The following SIRT5 variants were observed in gnomAD, a reference collection of about 807,000 sequenced individuals.
SIRT5 encodes sirtuin 5, also known as NAD-dependent protein deacylase sirtuin-5, mitochondrial.
In SIRT5, 26 loss-of-function variants were observed where a neutral mutation model predicts 40.0. That is an observed-to-expected ratio of 0.65 (90% CI 0.48 to 0.90). The LOEUF (loss-of-function observed/expected upper bound fraction) is 0.90. Among genes scored for constraint, SIRT5 ranks in the 40% least tolerant of loss-of-function variants. The probability of loss-of-function intolerance (pLI) is 0.00; values close to 1 mark genes in which losing one functional copy is unlikely to be tolerated. For synonymous variants in SIRT5, 146 were observed against 149.1 expected (o/e 0.98, Z 0.15); for missense variants, 401 against 402.4 (o/e 1.00, Z 0.03).
intron 9 of SIRT5, chr6:13,604,700 C>CCAG: frequency 4.3e-6 from 6 of 1,380,006 alleles, no homozygotes; most frequent in Non-Finnish European, 4.7e-6. Context: ...AGAAACTGAA[C>CCAG]TTGGTGGTTT....
chr6:13,581,072 A>C lies in SIRT5; in HGVS notation c.-36+1463A>C, dbSNP rs1209452630. Among the ~76,000 whole-genome samples, 5 of 152,174 alleles carry C rather than the reference A, an allele frequency of 3.3e-5. No individual in the cohort carries two copies. In the South Asian group the frequency reaches 6.2e-4, roughly 19 times the overall value. On this transcript the variant is annotated intron_variant, in intron 2 of 9. Coordinates refer to ENST00000606117, the MANE Select transcript of SIRT5 (RefSeq NM_012241.5). ...TTATACCATTTACCCAATTTCCTCTAATGTTCACATCTTACCTAACTAGAG... is the reference window on the plus strand; with the variant it reads ...TTATACCATTTACCCAATTTCCTCTCATGTTCACATCTTACCTAACTAGAG...
At chr6:13,592,429 G>A (rs114910783) in intron 5 of SIRT5, among the ~76,000 whole-genome samples, 265 of 152,322 alleles carry the variant, frequency 1.7e-3, no homozygotes, top group African/African-American at 6.0e-3. Context: ...GCATCTTGGG[G>A]TCTCCTGTCA....
chr6:13,581,038 G>C (rs899504729), intron 2 of SIRT5, among the ~76,000 whole-genome samples: 1 of 152,088 alleles, frequency 6.6e-6, no homozygotes, highest in African/African-American at 2.4e-5. Flanking sequence ...ATAGTACACA[G>C]AGTTCTCATT....
At position 13,597,020 on chromosome 6, in the gene SIRT5, G is replaced by A; in HGVS notation, c.617+4G>A. On this transcript the variant is annotated splice_donor_region_variant and intron_variant, in intron 7 of 9. Coordinates refer to ENST00000606117, the MANE Select transcript of SIRT5 (RefSeq NM_012241.5). ...TCCCAGTTGAGAAACTTCCCCGGTA[G>A]GTAGAAAACTCTGATTTGTACTGGT... 1.2e-6 allele frequency: 2 copies of A among 1,609,784 alleles called. No homozygotes were observed. The highest frequency in any genetic ancestry group is 1.7e-6 in the Non-Finnish European group (2 of 1,178,326).
At chr6:13,605,021 G>A (rs1408487522) in intron 9 of SIRT5, 2 of 987,112 alleles carry the variant, frequency 2.0e-6, no homozygotes, top group Non-Finnish European at 2.4e-6. Flanking sequence ...TAGAAGAGAT[G>A]CTGGTGATAG....
chr6:13,584,646 C>T (rs899798197), intron 3 of SIRT5, among the ~76,000 whole-genome samples: 6 of 152,164 alleles, frequency 3.9e-5, no homozygotes, highest in East Asian at 1.9e-4. Context: ...ACCGCGCCCA[C>T]CTGTCCTCTT....
At position 13,611,360 on chromosome 6, in the gene SIRT5, G is replaced by T. The variant is rs199652744; in HGVS notation, c.858-430G>T. Among the ~76,000 whole-genome samples the T allele has an allele frequency of 6.3e-4, 95 of 150,150 alleles. No individual in the cohort carries two copies. In the East Asian group the frequency reaches 0.013, roughly 21 times the overall value. On this transcript the variant is annotated intron_variant, in intron 9 of 9. Transcript: ENST00000606117. The stretch of plus-strand genomic sequence containing the variant: ...ATAGATACACATAAAACATATATAT[G>T]TATATAAAATACATATATAACACAC...
In SIRT5 at chr6:13,579,503, T is replaced by A. The variant is rs1337817334; in HGVS notation, c.-142T>A. On this transcript the variant is annotated 5_prime_UTR_variant, in exon 2 of 10. Transcript: ENST00000606117. The stretch of plus-strand genomic sequence containing the variant: ...AAACCTACAGAAGAAGAAAATAATT[T>A]TCTGGATCAAATTAGAAGTCTGTAT... The A allele has an allele frequency of 1.3e-5, 2 of 152,198 alleles. No individual in the cohort carries two copies. The highest frequency in any genetic ancestry group is 2.9e-5 in the Non-Finnish European group (2 of 68,032). The allele number at this position is 152,198 out of a possible 1,614,324, so 9.4% of individuals were successfully genotyped here.
At chr6:13,585,704 C>T (rs192001751) in intron 3 of SIRT5, among the ~76,000 whole-genome samples, 72 of 152,250 alleles carry the variant, frequency 4.7e-4, no homozygotes, top group African/African-American at 1.7e-3. Context: ...AATAAACATA[C>T]GTATGCATGT....
intron 6 of SIRT5, 62 bp from the exon 7 acceptor site, chr6:13,596,898 ATGT>A: frequency 4.6e-6 from 6 of 1,300,132 alleles, no homozygotes; most frequent in Non-Finnish European, 5.4e-6. Flanking sequence ...AAACTGAGTT[ATGT>A]TGTTTCTTTA....
rs200925326 is a variant in SIRT5 at position 13,579,510 on chromosome 6, T to A, written c.-135T>A. ...CAGAAGAAGAAAATAATTTTCTGGA[T>A]CAAATTAGAAGTCTGTATTATATTG... is the stretch of plus-strand genomic sequence containing the variant. On this transcript the variant is annotated 5_prime_UTR_variant, in exon 2 of 10. Coordinates refer to ENST00000606117, the MANE Select transcript of SIRT5 (RefSeq NM_012241.5). The A allele has an allele frequency of 1.3e-5, 2 of 152,208 alleles. No individual in the cohort carries two copies. Among genetic ancestry groups the A allele is most frequent in the Non-Finnish European group, 2.9e-5 (2 of 68,036 alleles). 9.4% of individuals were successfully genotyped at this position (152,208 alleles called of 1,614,324 possible).
At chr6:13,606,303 A>T (rs1162592667) in intron 9 of SIRT5, among the ~76,000 whole-genome samples, 1 of 152,150 alleles carries the variant, frequency 6.6e-6, no homozygotes, top group African/African-American at 2.4e-5. Flanking sequence ...AGGAGAGGCG[A>T]GCAGTAAAGT....
At chr6:13,585,479 G>A (rs1759950043) in intron 3 of SIRT5, among the ~76,000 whole-genome samples, 1 of 151,708 alleles carries the variant, frequency 6.6e-6, no homozygotes, top group Admixed American at 6.6e-5. Flanking sequence ...ACTTATGAGT[G>A]AGAACGTGTG....
chr6:13,602,012 A>G (rs1432261889), intron 9 of SIRT5, among the ~76,000 whole-genome samples: 4 of 152,196 alleles, frequency 2.6e-5, no homozygotes, highest in African/African-American at 9.7e-5. Context: ...GGAACTAAGA[A>G]GATAGCCTTA....
At chr6:13,594,626 G>A (rs953802282) in intron 5 of SIRT5, among the ~76,000 whole-genome samples, 4 of 152,236 alleles carry the variant, frequency 2.6e-5, no homozygotes, top group East Asian at 1.9e-4. Flanking sequence ...CATGGGGGCC[G>A]TGCGCAGCAT....
chr6:13,590,666 T>C (rs1318053806), intron 4 of SIRT5, among the ~76,000 whole-genome samples: 1 of 152,174 alleles, frequency 6.6e-6, no homozygotes, highest in Non-Finnish European at 1.5e-5. Flanking sequence ...CAGTTGTGTG[T>C]ATGTAGATGT....
Position 13,591,708 on chromosome 6 carries a change from C to G in SIRT5, c.289C>G (p.Arg97Gly). The change falls in exon 5 of 10, where the codon CGG (arginine) becomes GGG (glycine). Residue 97 changes from arginine (R) to glycine (G), a missense_variant. Transcript: ENST00000606117. ...TPLAFAHNPS[R>G]VWEFYHYRRE... is the part of the protein sequence containing the mutation. Reference sequence around the variant, plus strand: ...CCTGGCCTTTGCCCACAACCCGTCCCGGGTGTGGGAGTTCTACCACTACCG... The same window carrying G: ...CCTGGCCTTTGCCCACAACCCGTCCGGGGTGTGGGAGTTCTACCACTACCG... The G allele has an allele frequency of 6.2e-7, 1 of 1,606,326 alleles. No individual in the cohort carries two copies. The highest frequency in any genetic ancestry group is 8.5e-7 in the Non-Finnish European group (1 of 1,174,444).
chr6:13,610,529 G>A (rs1443312704), intron 9 of SIRT5, among the ~76,000 whole-genome samples: 1 of 152,108 alleles, frequency 6.6e-6, no homozygotes. Flanking sequence ...TTTCACACTC[G>A]GGGATGAGGT....
At chr6:13,589,710 G>A (rs1236883350) in intron 4 of SIRT5, among the ~76,000 whole-genome samples, 3 of 152,154 alleles carry the variant, frequency 2.0e-5, no homozygotes, top group Non-Finnish European at 4.4e-5. Context: ...GTGAAGTGGG[G>A]AGAAAGGAGA....
Sources: allele counts gnomAD v4.1 joint callset (sites outside exome capture counted in the v4.1 genomes callset), GRCh38; gene constraint gnomAD v4.1.1; transcripts MANE v1.5; gene names NCBI Gene and HGNC (gene_info 2026-07-23, HGNC 2026-07-21).